Variants in ST3GAL3 observed in about 807,000 individuals in gnomAD.
ST3GAL3 encodes CMP-N-acetylneuraminate-beta-1,4-galactoside alpha-2,3-sialyltransferase.
In ST3GAL3, 21 loss-of-function variants were observed where a neutral mutation model predicts 50.1. The observed-to-expected ratio is 0.42, with a 90% CI of 0.30 to 0.60. ST3GAL3 has a LOEUF of 0.60. Ranked by LOEUF, ST3GAL3 falls within the 20% of genes least tolerant of loss-of-function variation. The pLI is 0.19. For synonymous variants in ST3GAL3, 183 were observed against 190.0 expected, an observed-to-expected ratio of 0.96 and a Z score of 0.30; for missense variants, 353 against 489.4, an observed-to-expected ratio of 0.72 and a Z score of 2.63.
At chr1:43,767,490 A>G (rs1693532101) in intron 2 of ST3GAL3, among the ~76,000 whole-genome samples, 1 of 152,186 alleles carries the variant, frequency 6.6e-6, no homozygotes. Flanking sequence ...AGTCTCAACA[A>G]GTGTCAGAGG....
chr1:43,802,447 G>A (rs531998082), intron 3 of ST3GAL3, among the ~76,000 whole-genome samples: 3 of 152,294 alleles, frequency 2.0e-5, no homozygotes, highest in Middle Eastern at 3.4e-3. Context: ...TCAAAATAGC[G>A]TGAAGCTCTG....
intron 5 of ST3GAL3, among the ~76,000 whole-genome samples, chr1:43,848,760 T>G (rs913810886): frequency 6.6e-6 from 1 of 152,244 alleles, no homozygotes; most frequent in Non-Finnish European, 1.5e-5. Flanking sequence ...CCTCATCTCC[T>G]TTCCCAGGAT....
At chr1:43,875,897 C>CTCTTCTTCT (rs66500354) in intron 5 of ST3GAL3, among the ~76,000 whole-genome samples, 7 of 134,044 alleles carry the variant, frequency 5.2e-5, no homozygotes, top group East Asian at 2.2e-4. Context: ...TTTAGAATTT[C>CTCTTCTTCT]TCTTCTTCTT....
In ST3GAL3 at chr1:43,899,754, C is replaced by T; in HGVS notation, c.744+27C>T. ...TAAGCTCTCCTGGCACCAGCTTCTT[C>T]CCCTCTTGCCCTGGGCTTCCGCAAC... On this transcript the variant is annotated intron_variant, in intron 9 of 11. Coordinates refer to ENST00000347631, the MANE Select transcript of ST3GAL3 (RefSeq NM_006279.5). The surrounding 1 kb of genome is among the most constrained non-coding windows in gnomAD (Gnocchi z 5.4). 3.1e-6 allele frequency: 5 copies of T among 1,608,206 alleles called. No homozygotes were observed. Among genetic ancestry groups the T allele is most frequent in the Non-Finnish European group, 3.4e-6 (4 of 1,175,074 alleles).
intron 9 of ST3GAL3, among the ~76,000 whole-genome samples, chr1:43,915,248 T>C (rs1379299355): frequency 6.6e-6 from 1 of 152,120 alleles, no homozygotes; most frequent in Non-Finnish European, 1.5e-5. Flanking sequence ...AGGTCAGGTC[T>C]CCTTTAGTAA....
chr1:43,758,415 T>A (rs1354251085), intron 2 of ST3GAL3, among the ~76,000 whole-genome samples: 1 of 152,076 alleles, frequency 6.6e-6, no homozygotes, highest in African/African-American at 2.4e-5. Context: ...TATACCTGGC[T>A]AATGTTTTTA....
rs576778446 is a variant in ST3GAL3, at chr1:43,737,524, C to T, written c.118+1144C>T. ...TGTTTTATATAGAATATTTAAGTGCCTTTTAAATGCTTAGCTTATAATTAT... is the reference window on the plus strand; with the variant it reads ...TGTTTTATATAGAATATTTAAGTGCTTTTTAAATGCTTAGCTTATAATTAT... On this transcript the variant is annotated intron_variant, in intron 2 of 11. Transcript: ENST00000347631. This position sits in a 1 kb window ranked among gnomAD's most constrained non-coding sequence, Gnocchi z 4.0. 9.9e-5 allele frequency: 15 copies of T among 152,260 alleles called. No homozygotes were observed. Among genetic ancestry groups the T allele is most frequent in the Non-Finnish European group, 2.1e-4 (14 of 68,028 alleles). The allele number at this position is 152,260 out of a possible 1,614,324, so 9.4% of individuals were successfully genotyped here.
At chr1:43,916,771 C>T (rs2081884382) in intron 9 of ST3GAL3, 1 of 152,080 alleles carries the variant, frequency 6.6e-6, no homozygotes, top group Non-Finnish European at 1.5e-5. Context: ...GACATTGTCT[C>T]ACTATATTGC....
chr1:43,862,028 TAAA>T (rs78700565), intron 5 of ST3GAL3, among the ~76,000 whole-genome samples: 7 of 130,954 alleles, frequency 5.3e-5, no homozygotes, highest in Admixed American at 7.7e-5. Flanking sequence ...AAATCTGTCT[TAAA>T]AAAAAAAAAA....
chr1:43,898,700 A>C (rs1050447161), intron 7 of ST3GAL3, among the ~76,000 whole-genome samples: 2 of 152,164 alleles, frequency 1.3e-5, no homozygotes, highest in Non-Finnish European at 2.9e-5. Context: ...GGATGGGAGA[A>C]GCAAGATGGG....
intron 9 of ST3GAL3, among the ~76,000 whole-genome samples, chr1:43,918,532 A>T (rs1286325695): frequency 3.3e-5 from 5 of 152,224 alleles, no homozygotes; most frequent in African/African-American, 7.2e-5. Flanking sequence ...ATTTGTTCCC[A>T]TAACCTATAC....
intron 7 of ST3GAL3, chr1:43,898,520 G>C (rs763943794): frequency 1.6e-5 from 10 of 623,320 alleles, no homozygotes; most frequent in Non-Finnish European, 2.6e-5. Context: ...CCAGTCCTCA[G>C]ATACCAGAGG....
chr1:43,853,543 C>G (rs2067749650), intron 5 of ST3GAL3, among the ~76,000 whole-genome samples: 1 of 152,224 alleles, frequency 6.6e-6, no homozygotes, highest in Non-Finnish European at 1.5e-5. Flanking sequence ...CTTCCTCTCA[C>G]AGCTGCTGTT....
Position 43,898,257 on chromosome 1 carries a change from G to T in ST3GAL3, c.420G>T (p.Leu140Phe). 1.9e-6 allele frequency: 3 copies of T among 1,613,896 alleles called. No individual in the cohort carries two copies. The highest frequency in any genetic ancestry group is 1.7e-6 in the Non-Finnish European group (2 of 1,180,032). Reference sequence around the variant, plus strand: ...CAGACAATCTGATCAAAGCCATCTTGTCAGTCACCAAAGAGTACCGCCTGA... The same window carrying T: ...CAGACAATCTGATCAAAGCCATCTTTTCAGTCACCAAAGAGTACCGCCTGA... The part of the protein sequence containing the change: ...KGQDNLIKAI[L>F]SVTKEYRLTP... The change falls in exon 7 of 12, where the codon TTG (leucine) becomes TTT (phenylalanine). Residue 140 changes from leucine (L) to phenylalanine (F), a missense_variant. Coordinates refer to ENST00000347631, the MANE Select transcript of ST3GAL3 (RefSeq NM_006279.5).
At chr1:43,828,896 G>T (rs2063168092) in intron 4 of ST3GAL3, among the ~76,000 whole-genome samples, 1 of 152,164 alleles carries the variant, frequency 6.6e-6, no homozygotes, top group Non-Finnish European at 1.5e-5. Flanking sequence ...ATATGTTCTA[G>T]CAGTCACCCT....
chr1:43,832,105 A>G (rs573707299), intron 4 of ST3GAL3, among the ~76,000 whole-genome samples: 1 of 152,310 alleles, frequency 6.6e-6, no homozygotes, highest in Non-Finnish European at 1.5e-5. Flanking sequence ...GTCACAGCAG[A>G]TCTCTGGTGG....
intron 6 of ST3GAL3, among the ~76,000 whole-genome samples, chr1:43,897,647 G>T (rs920616670): frequency 3.9e-5 from 6 of 152,184 alleles, no homozygotes; most frequent in African/African-American, 9.7e-5. Context: ...GCAGAGCCAG[G>T]CTCAGGGAGT....
chr1:43,746,315 G>A (rs1683623929), intron 2 of ST3GAL3, among the ~76,000 whole-genome samples: 2 of 152,200 alleles, frequency 1.3e-5, no homozygotes, highest in Admixed American at 1.3e-4. Context: ...ATGGCTGCCG[G>A]AGACTGGAAC....
Position 43,867,923 on chromosome 1 carries a change from A to G in ST3GAL3, c.303-26460A>G, listed in dbSNP as rs189944294. 2.0e-5 allele frequency among the ~76,000 whole-genome samples: 3 copies of G among 152,332 alleles called. No individual in the cohort carries two copies. In the East Asian group the frequency reaches 5.8e-4, roughly 29 times the overall value. ...TTAGAGGAAATCAGAAGAGAATAGA[A>G]TTTCTCTCCAAAATTATGGGAGGCT... is the stretch of plus-strand genomic sequence containing the variant. On this transcript the variant is annotated intron_variant, in intron 5 of 11. Coordinates refer to ENST00000347631, the MANE Select transcript of ST3GAL3 (RefSeq NM_006279.5).
Sources: allele counts gnomAD v4.1 joint callset (sites outside exome capture counted in the v4.1 genomes callset), GRCh38; gene constraint gnomAD v4.1.1; non-coding constraint Gnocchi (gnomAD v3.1); transcripts MANE v1.5; gene names NCBI Gene and HGNC (gene_info 2026-07-23, HGNC 2026-07-21).